The following FLT1 variants were observed in gnomAD, a reference collection of about 807,000 sequenced individuals.
FLT1 encodes vascular endothelial growth factor receptor 1.
A neutral mutation model predicts 156.3 loss-of-function variants in FLT1; 49 were observed. The observed-to-expected ratio is 0.31, with a 90% CI of 0.25 to 0.40. FLT1 has a LOEUF of 0.40. Ranked by LOEUF, FLT1 falls within the 10% of genes least tolerant of loss-of-function variation. The pLI is 1.00. For synonymous variants in FLT1, 594 were observed against 583.8 expected, an observed-to-expected ratio of 1.02 and a Z score of -0.25; for missense variants, 1,322 against 1,637.2, an observed-to-expected ratio of 0.81 and a Z score of 3.32.
intron 3 of FLT1, among the ~76,000 whole-genome samples, chr13:28,464,044 G>A (rs571170115): frequency 4.6e-5 from 7 of 152,006 alleles, no homozygotes; most frequent in African/African-American, 1.2e-4. Flanking sequence ...GATTCAGAAG[G>A]CTCTTCTATG....
chr13:28,492,868 CAG>C (rs1418176870), intron 1 of FLT1, among the ~76,000 whole-genome samples: 1 of 152,088 alleles, frequency 6.6e-6, no homozygotes, highest in East Asian at 1.9e-4. Context: ...CATGAACTAA[CAG>C]AGTGTTCTGT....
chr13:28,420,034 G>A (rs890130555), intron 10 of FLT1, among the ~76,000 whole-genome samples: 2 of 152,236 alleles, frequency 1.3e-5, no homozygotes, highest in Non-Finnish European at 2.9e-5. Flanking sequence ...ACTAAGAAGA[G>A]TGGGAAAAGG....
At chr13:28,350,640 C>T (rs1210565299) in intron 15 of FLT1, among the ~76,000 whole-genome samples, 1 of 152,014 alleles carries the variant, frequency 6.6e-6, no homozygotes, top group African/African-American at 2.4e-5. Flanking sequence ...GCAATATAAC[C>T]AGACAGAGTT....
chr13:28,431,126 C>G lies in FLT1; in HGVS notation c.988+10G>C, dbSNP rs1175914941. The G allele has an allele frequency of 1.2e-6, 2 of 1,609,212 alleles. No homozygotes were observed. The highest frequency in any genetic ancestry group is 2.7e-5 in the African/African-American group (2 of 74,808). Reference sequence around the variant, plus strand: ...CATAGCATGAGTTGGCAACGCTGAACTATGCTTACCATATATATGCACTGA... The same window carrying G: ...CATAGCATGAGTTGGCAACGCTGAAGTATGCTTACCATATATATGCACTGA... On this transcript the variant is annotated intron_variant, in intron 7 of 29. Coordinates refer to ENST00000282397, the MANE Select transcript of FLT1 (RefSeq NM_002019.4).
intron 23 of FLT1, 30 bp downstream of exon 23, chr13:28,321,433 A>C: frequency 1.9e-6 from 3 of 1,611,854 alleles, no homozygotes; most frequent in Non-Finnish European, 2.5e-6. Flanking sequence ...TAGGACACAC[A>C]TGAGTCAAAT....
intron 10 of FLT1, among the ~76,000 whole-genome samples, chr13:28,420,987 A>G (rs764079150): frequency 1.9e-4 from 29 of 150,890 alleles, no homozygotes; most frequent in Non-Finnish European, 3.1e-4. Flanking sequence ...ATTGTAGGCC[A>G]CCCCACCCCC....
chr13:28,323,557 A>G (rs982604265), intron 20 of FLT1, among the ~76,000 whole-genome samples: 1 of 150,832 alleles, frequency 6.6e-6, no homozygotes, highest in Non-Finnish European at 1.5e-5. Context: ...AGGCTGAGGC[A>G]GGAGAATTGC....
At chr13:28,456,020 G>T (rs1879242522) in intron 3 of FLT1, among the ~76,000 whole-genome samples, 1 of 152,210 alleles carries the variant, frequency 6.6e-6, no homozygotes, top group Admixed American at 6.5e-5. Flanking sequence ...TGCTGCTGGT[G>T]GGAATGCAAC....
chr13:28,442,230 G>C (rs1408440028), intron 3 of FLT1, among the ~76,000 whole-genome samples: 2 of 152,034 alleles, frequency 1.3e-5, no homozygotes, highest in Non-Finnish European at 2.9e-5. Context: ...CTATATTTTT[G>C]TCTCTTTTGT....
At chr13:28,353,246 C>T (rs563338496) in intron 15 of FLT1, among the ~76,000 whole-genome samples, 3 of 152,194 alleles carry the variant, frequency 2.0e-5, no homozygotes, top group South Asian at 2.1e-4. Context: ...ATAAATAATA[C>T]TGAAATATAG....
In FLT1 at chr13:28,329,617, C is replaced by T; in HGVS notation, c.2705G>A (p.Gly902Glu). The change falls in exon 19 of 30, where the codon GGA (glycine) becomes GAA (glutamate). Residue 902 changes from glycine (G) to glutamate (E), a missense_variant and splice_region_variant. Coordinates refer to ENST00000282397, the MANE Select transcript of FLT1 (RefSeq NM_002019.4). The stretch of plus-strand genomic sequence containing the variant: ...CCGGCCCTCCCCTTCTCCATTACCT[C>T]CTTGCTTGGTGCAGGCTCCCAGCAG... ...VNLLGACTKQGGPLMVIVEYC... is the reference protein window; with the variant it reads ...VNLLGACTKQEGPLMVIVEYC... 1 of 1,611,330 alleles carries T rather than the reference C, an allele frequency of 6.2e-7. No homozygotes were observed. The highest frequency in any genetic ancestry group is 8.5e-7 in the Non-Finnish European group (1 of 1,177,538).
At position 28,439,103 on chromosome 13, in the gene FLT1, A is replaced by G. The variant is rs1465798225; in HGVS notation, c.389-758T>C. Among the ~76,000 whole-genome samples the G allele has an allele frequency of 1.3e-5, 2 of 152,212 alleles. No homozygotes were observed. Among genetic ancestry groups the G allele is most frequent in the African/African-American group, 4.8e-5 (2 of 41,452 alleles). ...AAAAGCGTGGCATTTGGCCAGTCTC[A>G]GAGGCAAGGAGGATTCAAACACCTG... On this transcript the variant is annotated intron_variant, in intron 3 of 29. Coordinates refer to ENST00000282397, the MANE Select transcript of FLT1 (RefSeq NM_002019.4). The surrounding 1 kb of genome is among the most constrained non-coding windows in gnomAD (Gnocchi z 4.1).
Position 28,371,695 on chromosome 13 carries a change from G to GT in FLT1, c.2116+13189dup, listed in dbSNP as rs1229425589. 6.6e-5 allele frequency among the ~76,000 whole-genome samples: 10 copies of GT among 152,216 alleles called. No individual in the cohort carries two copies. The South Asian group carries it at 2.1e-3, about 32-fold the overall frequency. ...ATGCTGAGGTTGGCTAAGATCTATG[G>GT]TAAGAATGAACCTTCTATCCATGAA... is the stretch of plus-strand genomic sequence containing the variant. On this transcript the variant is annotated intron_variant, in intron 14 of 29. Transcript: ENST00000282397.
At chr13:28,417,008 A>G (rs1454631633) in intron 10 of FLT1, among the ~76,000 whole-genome samples, 1 of 152,320 alleles carries the variant, frequency 6.6e-6, no homozygotes, top group South Asian at 2.1e-4. Flanking sequence ...TTTCTGAGAT[A>G]CAGTGCGCAT....
intron 10 of FLT1, among the ~76,000 whole-genome samples, chr13:28,419,502 T>A (rs1438321377): frequency 6.6e-6 from 1 of 152,244 alleles, no homozygotes; most frequent in African/African-American, 2.4e-5. Context: ...GCCAATCTTC[T>A]TAAGGAATCT....
At chr13:28,435,216 T>C (rs767006012) in intron 4 of FLT1, among the ~76,000 whole-genome samples, 1 of 152,218 alleles carries the variant, frequency 6.6e-6, no homozygotes, top group Non-Finnish European at 1.5e-5. Context: ...CTGCAATGAA[T>C]GAAGTGCTCT....
chr13:28,493,661 AT>A (rs2137680844), intron 1 of FLT1, among the ~76,000 whole-genome samples: 1 of 152,292 alleles, frequency 6.6e-6, no homozygotes, highest in East Asian at 1.9e-4. Flanking sequence ...GCGCTCCGAA[AT>A]CTGGCTCTCT....
At chr13:28,325,745 A>T (rs1871651314) in intron 20 of FLT1, among the ~76,000 whole-genome samples, 1 of 139,092 alleles carries the variant, frequency 7.2e-6, no homozygotes. Flanking sequence ...AACCCAGGAA[A>T]CGGAGGTTGC....
Position 28,300,521 on chromosome 13 carries a change from C to CCACACACCCA in FLT1, c.*2645_*2646insTGGGTGTGTG, listed in dbSNP as rs58634271. 0.025 allele frequency: 5,596 copies of CCACACACCCA among 225,114 alleles called. 202 individuals carry two copies. Among genetic ancestry groups the CCACACACCCA allele is most frequent in the African/African-American group, 0.097 (4,165 of 42,720 alleles). The allele number at this position is 225,114 out of a possible 1,614,324, so 13.9% of individuals were successfully genotyped here. On this transcript the variant is annotated 3_prime_UTR_variant, in exon 30 of 30. Coordinates refer to ENST00000282397, the MANE Select transcript of FLT1 (RefSeq NM_002019.4). Reference sequence around the variant, plus strand: ...AGTTATGCACAAAACACACATACACCCACACACACACACACACACACACAC... The same window carrying CCACACACCCA: ...AGTTATGCACAAAACACACATACACCCACACACCCACACACACACACACACACACACACAC...
Sources: gnomAD v4.1 joint callset for allele counts (sites outside exome capture counted in the v4.1 genomes callset) on GRCh38, gnomAD v4.1.1 for gene constraint, Gnocchi (gnomAD v3.1) non-coding constraint, MANE v1.5 for transcripts, NCBI Gene and HGNC (gene_info 2026-07-23, HGNC 2026-07-21) for gene names.